RAB11FIP3: variants seen among roughly 807,000 people sequenced by gnomAD.
RAB11FIP3 encodes RAB11 family interacting protein 3.
In RAB11FIP3, 17 loss-of-function variants were observed where a neutral mutation model predicts 77.8. The observed-to-expected ratio is 0.22, with a 90% CI of 0.15 to 0.33. The LOEUF is 0.33. Ranked by LOEUF, RAB11FIP3 falls within the 10% of genes least tolerant of loss-of-function variation. The pLI is 1.00. For missense variants in RAB11FIP3, 1,005 were observed against 1,011.2 expected (o/e 0.99, Z 0.08); for synonymous variants, 437 against 448.2 (o/e 0.98, Z 0.31).
intron 9 of RAB11FIP3, among the ~76,000 whole-genome samples, chr16:517,627 GA>G (rs1320479497): frequency 6.6e-6 from 1 of 152,168 alleles, no homozygotes; most frequent in African/African-American, 2.4e-5. Flanking sequence ...GCACGCATGG[GA>G]AAGCCACAGT....
intron 5 of RAB11FIP3, among the ~76,000 whole-genome samples, chr16:492,290 G>A (rs776497060): frequency 5.4e-5 from 8 of 149,296 alleles, no homozygotes; most frequent in Admixed American, 2.0e-4. Flanking sequence ...GCCCGGCACT[G>A]ATGGCCATTC....
At position 461,435 on chromosome 16, in the gene RAB11FIP3, G is replaced by A. The variant is rs1288835109; in HGVS notation, c.746G>A (p.Ser249Asn). 3.7e-6 allele frequency: 6 copies of A among 1,613,976 alleles called. No homozygotes were observed. Among genetic ancestry groups the A allele is most frequent in the East Asian group, 2.2e-5 (1 of 44,858 alleles). The change falls in exon 2 of 14, where the codon AGT becomes AAT. Residue 249 changes from serine to asparagine, a missense_variant. This residue lies in a region of RAB11FIP3 where 466 missense variants were observed against 408.3 expected (regional missense o/e 1.14). Transcript: ENST00000262305. This position sits in a 1 kb window ranked among gnomAD's most constrained non-coding sequence, Gnocchi z 4.5. ...GACTTAACTAAGTACTTGGATCCCAGTGGGCTCGGCGTGATCAGCTTTGAA... is the reference window on the plus strand; with the variant it reads ...GACTTAACTAAGTACTTGGATCCCAATGGGCTCGGCGTGATCAGCTTTGAA... ...VKDLTKYLDP[S>N]GLGVISFEDF...
In RAB11FIP3 at chr16:488,727, A is replaced by T. The variant is rs1161153489; in HGVS notation, c.1116-124A>T. 6.6e-5 allele frequency: 42 copies of T among 640,974 alleles called. No homozygotes were observed. Among genetic ancestry groups the T allele is most frequent in the Non-Finnish European group, 8.1e-5 (36 of 446,250 alleles). The allele number at this position is 640,974 out of a possible 1,614,324, so 39.7% of individuals were successfully genotyped here. A position where few individuals can be genotyped will look rare whatever the true frequency, so the allele number is the denominator to read the frequency against. On this transcript the variant is annotated intron_variant, in intron 4 of 13. Coordinates refer to ENST00000262305, the MANE Select transcript of RAB11FIP3 (RefSeq NM_014700.4). ...TCCAGCCCACTTTTTTTTTTTTTTTAAACGTGGCTCCCAGGACTCACGTGT... is the reference window on the plus strand; with the variant it reads ...TCCAGCCCACTTTTTTTTTTTTTTTTAACGTGGCTCCCAGGACTCACGTGT...
At chr16:519,386 G>A (rs570661027) in intron 10 of RAB11FIP3, among the ~76,000 whole-genome samples, 280 of 152,348 alleles carry the variant, frequency 1.8e-3, no homozygotes, top group African/African-American at 6.5e-3. Context: ...CACCTCACCA[G>A]GTGTGCTCTG....
At chr16:517,052 G>A (rs894055448) in intron 9 of RAB11FIP3, among the ~76,000 whole-genome samples, 4 of 152,192 alleles carry the variant, frequency 2.6e-5, no homozygotes, top group African/African-American at 7.2e-5. Context: ...TGATCAGAAA[G>A]CCGTGCGGAC....
intron 9 of RAB11FIP3, among the ~76,000 whole-genome samples, chr16:516,880 A>G (rs540035955): frequency 6.6e-6 from 1 of 152,340 alleles, no homozygotes; most frequent in South Asian, 2.1e-4. Context: ...AAATAAATAG[A>G]GAAGACACAA....
In RAB11FIP3 at chr16:461,372, T is replaced by C; in HGVS notation, c.715-32T>C. On this transcript the variant is annotated intron_variant, in intron 1 of 13. Coordinates refer to ENST00000262305, the MANE Select transcript of RAB11FIP3 (RefSeq NM_014700.4). This position sits in a 1 kb window ranked among gnomAD's most constrained non-coding sequence, Gnocchi z 4.5. ...GTTGGGGACCCCTGCTGTAAAGGCT[T>C]AGGGTAACCTAGTCTCATTTGGCAA... 6.3e-7 allele frequency: 1 copy of C among 1,589,496 alleles called. No individual in the cohort carries two copies. Among genetic ancestry groups the C allele is most frequent in the Non-Finnish European group, 8.6e-7 (1 of 1,160,154 alleles).
intron 2 of RAB11FIP3, among the ~76,000 whole-genome samples, chr16:467,476 T>G (rs1474662489): frequency 9.2e-3 from 334 of 36,322 alleles, no homozygotes; most frequent in African/African-American, 0.033. Context: ...GAGGAGGTGC[T>G]GGGACGTCAG....
intron 1 of RAB11FIP3, among the ~76,000 whole-genome samples, chr16:449,924 C>G (rs1206195729): frequency 6.6e-6 from 1 of 152,012 alleles, no homozygotes; most frequent in African/African-American, 2.4e-5. Flanking sequence ...GCACTCTAGC[C>G]TGGGCGACAG....
intron 5 of RAB11FIP3, among the ~76,000 whole-genome samples, chr16:493,452 T>G (rs1259933981): frequency 6.6e-6 from 1 of 152,138 alleles, no homozygotes; most frequent in African/African-American, 2.4e-5. Flanking sequence ...ACAGGTGACT[T>G]AGTCCAGACC....
intron 3 of RAB11FIP3, among the ~76,000 whole-genome samples, chr16:475,310 C>G (rs2055882306): frequency 6.6e-6 from 1 of 152,208 alleles, no homozygotes; most frequent in South Asian, 2.1e-4. Flanking sequence ...TTCCAAGATG[C>G]ACTTTGATTT....
chr16:503,289 T>C (rs1567401461), intron 7 of RAB11FIP3, among the ~76,000 whole-genome samples, 192 bp downstream of exon 7: 1 of 152,156 alleles, frequency 6.6e-6, no homozygotes, highest in Non-Finnish European at 1.5e-5. Context: ...CTCGTGGCCA[T>C]GTGAGAAAAA....
chr16:426,599 T>G lies in RAB11FIP3; in HGVS notation c.593T>G (p.Val198Gly). 6.3e-7 allele frequency: 1 copy of G among 1,596,992 alleles called. No homozygotes were observed. Among genetic ancestry groups the G allele is most frequent in the Non-Finnish European group, 8.5e-7 (1 of 1,172,836 alleles). Residue 198 changes from valine to glycine, a missense_variant, in exon 1 of 14, where the codon GTG becomes GGG. Around this residue, in one of 4 missense-constraint regions of RAB11FIP3, gnomAD observed 466 missense variants for 408.3 expected, o/e 1.14. Transcript: ENST00000262305. The surrounding 1 kb of genome is among the most constrained non-coding windows in gnomAD (Gnocchi z 5.0). ...ACCCACCCCCTTCCGAGCGAGCCCG[T>G]GGGGAGTCAGGAGGACGGCCCCCGC... is the stretch of plus-strand genomic sequence containing the variant. ...SQTHPLPSEP[V>G]GSQEDGPRLR... is the part of the protein sequence containing the mutation.
chr16:431,309 C>T (rs2055031477), intron 1 of RAB11FIP3, among the ~76,000 whole-genome samples: 1 of 151,834 alleles, frequency 6.6e-6, no homozygotes, highest in Non-Finnish European at 1.5e-5. Context: ...TTGTATAAAA[C>T]AGAAAATGAC....
rs2055817361 is a variant in RAB11FIP3, at chr16:471,959, GTGGC to G, written c.903+573_903+576del. On this transcript the variant is annotated intron_variant, in intron 3 of 13. Transcript: ENST00000262305. This position sits in a 1 kb window ranked among gnomAD's most constrained non-coding sequence, Gnocchi z 4.4. ...GAGGGTTAGATTCCAGGAGAGCCAC[GTGGC>G]TGCAGCAGAAAATGCATGAAGTTGA... Among the ~76,000 whole-genome samples, 1 of 152,222 alleles carries G rather than the reference GTGGC, an allele frequency of 6.6e-6. No individual in the cohort carries two copies. Among genetic ancestry groups the G allele is most frequent in the South Asian group, 2.1e-4 (1 of 4,830 alleles).
intron 9 of RAB11FIP3, among the ~76,000 whole-genome samples, chr16:513,782 C>T (rs543335017): frequency 6.6e-6 from 1 of 152,214 alleles, no homozygotes; most frequent in Non-Finnish European, 1.5e-5. Context: ...ACTGAGAGAG[C>T]TGTGCGGGAC....
Position 521,002 on chromosome 16 carries a change from G to C in RAB11FIP3, c.*163G>C, listed in dbSNP as rs1260277081. The C allele has an allele frequency of 3.1e-6, 2 of 642,900 alleles. No individual in the cohort carries two copies. Among genetic ancestry groups the C allele is most frequent in the Admixed American group, 5.0e-5 (2 of 40,380 alleles). 39.8% of individuals were successfully genotyped at this position (642,900 alleles called of 1,614,324 possible). A position where few individuals can be genotyped will look rare whatever the true frequency, so the allele number is the denominator to read the frequency against. ...GCTGGGGCCGCCAAAGACCGGGGCTGCCAAAGGGGCAGAGGGTGGTGGAGA... is the reference window on the plus strand; with the variant it reads ...GCTGGGGCCGCCAAAGACCGGGGCTCCCAAAGGGGCAGAGGGTGGTGGAGA... On this transcript the variant is annotated 3_prime_UTR_variant, in exon 14 of 14. Coordinates refer to ENST00000262305, the MANE Select transcript of RAB11FIP3 (RefSeq NM_014700.4).
Position 426,443 on chromosome 16 carries a change from A to C in RAB11FIP3, c.437A>C (p.Gln146Pro), listed in dbSNP as rs2141830300. The C allele has an allele frequency of 6.3e-7, 1 of 1,585,266 alleles. No individual in the cohort carries two copies. Among genetic ancestry groups the C allele is most frequent in the Non-Finnish European group, 8.6e-7 (1 of 1,167,188 alleles). ...CCGGAGAGCGCGCCTTTCCGCTTGC[A>C]GGGGTCCAGCAGCAGCCACCGAGCG... ...SCPESAPFRLQGSSSSHRARG... is the reference protein window; with the variant it reads ...SCPESAPFRLPGSSSSHRARG... Residue 146 changes from glutamine to proline, a missense_variant, in exon 1 of 14, where the codon CAG becomes CCG. By Grantham distance (76) the Gln-to-Pro change is moderately conservative. Around this residue, in one of 4 missense-constraint regions of RAB11FIP3, gnomAD observed 466 missense variants for 408.3 expected, o/e 1.14. Transcript: ENST00000262305. The surrounding 1 kb of genome is among the most constrained non-coding windows in gnomAD (Gnocchi z 5.0).
chr16:520,959 G>A lies in RAB11FIP3; in HGVS notation c.*120G>A, dbSNP rs2032659469. The stretch of plus-strand genomic sequence containing the variant: ...GCCGACAGTGCCCAGAGCATGCAGG[G>A]AACCCTCGTGCAGCTGAGCTGGGGC... On this transcript the variant is annotated 3_prime_UTR_variant, in exon 14 of 14. Transcript: ENST00000262305. 1.2e-6 allele frequency: 1 copy of A among 820,044 alleles called. No homozygotes were observed. Among genetic ancestry groups the A allele is most frequent in the Non-Finnish European group, 2.0e-6 (1 of 490,390 alleles). The allele number at this position is 820,044 out of a possible 1,614,324, so 50.8% of individuals were successfully genotyped here.
Sources: gnomAD v4.1 joint callset for allele counts (sites outside exome capture counted in the v4.1 genomes callset) on GRCh38, gnomAD v4.1.1 for gene constraint, gnomAD v4.1.1 regional missense constraint, Gnocchi (gnomAD v3.1) non-coding constraint, MANE v1.5 for transcripts, NCBI Gene and HGNC (gene_info 2026-07-23, HGNC 2026-07-21) for gene names.